ERC1: variants seen among roughly 807,000 people sequenced by gnomAD.
The protein encoded by ERC1 is ELKS/RAB6-interacting/CAST family member 1.
ERC1 carries 56 observed loss-of-function variants against 132.0 expected under a neutral mutation model. The observed-to-expected ratio is 0.42, with a 90% CI of 0.34 to 0.53. The LOEUF is 0.53. Among genes scored for constraint, ERC1 ranks in the 20% least tolerant of loss-of-function variants. ERC1 has a pLI of 0.03. For synonymous variants in ERC1, 478 were observed against 476.1 expected, an observed-to-expected ratio of 1.00 and a Z score of -0.05; for missense variants, 1,202 against 1,349.9, an observed-to-expected ratio of 0.89 and a Z score of 1.72.
rs534749129 is a variant in ERC1, at chr12:1,237,284, A to C, written c.2487+380A>C. ...GTTTGTGTCTTTCTTCCTTTTTTCT[A>C]TTCTTCCTTTCTCTTTTCCTTCTAC... On this transcript the variant is annotated intron_variant, in intron 13 of 18. Transcript: ENST00000360905. Among the ~76,000 whole-genome samples, 230 of 151,854 alleles carry C rather than the reference A, an allele frequency of 1.5e-3. 2 individuals carry two copies. The highest frequency in any genetic ancestry group is 5.2e-3 in the African/African-American group (214 of 41,436).
intron 13 of ERC1, among the ~76,000 whole-genome samples, chr12:1,239,499 G>T (rs1366061056): frequency 6.6e-6 from 1 of 152,154 alleles, no homozygotes; most frequent in Non-Finnish European, 1.5e-5. Flanking sequence ...TGAGATGAAG[G>T]ATCACTTGAG....
At chr12:1,138,847 T>G (rs895351067) in intron 7 of ERC1, among the ~76,000 whole-genome samples, 2 of 152,112 alleles carry the variant, frequency 1.3e-5, no homozygotes, top group African/African-American at 4.8e-5. Context: ...TAGGGTGGTG[T>G]TAGAGAATTA....
At chr12:992,981 A>G (rs1405623587) in intron 1 of ERC1, among the ~76,000 whole-genome samples, 2 of 152,240 alleles carry the variant, frequency 1.3e-5, no homozygotes, top group Non-Finnish European at 2.9e-5. Context: ...AGAGAAATAT[A>G]CAGATAAGAA....
chr12:1,473,719 C>G (rs559632309), intron 18 of ERC1, among the ~76,000 whole-genome samples: 1 of 151,696 alleles, frequency 6.6e-6, no homozygotes, highest in East Asian at 1.9e-4. Flanking sequence ...CCCACTTGCA[C>G]AGTCTCTGCA....
intron 8 of ERC1, among the ~76,000 whole-genome samples, chr12:1,174,959 C>A (rs559281079): frequency 6.6e-6 from 1 of 152,156 alleles, no homozygotes; most frequent in African/African-American, 2.4e-5. Context: ...CACAGTAAAA[C>A]GAGTCACACA....
intron 3 of ERC1, among the ~76,000 whole-genome samples, chr12:1,094,270 C>T (rs12814593): frequency 0.19 from 28,683 of 151,098 alleles, 3,454 homozygotes; most frequent in Non-Finnish European, 0.25. Flanking sequence ...CCTCCCGGCT[C>T]GGCCTCCCAA....
intron 14 of ERC1, among the ~76,000 whole-genome samples, chr12:1,274,779 C>A (rs1220460307): frequency 2.0e-5 from 3 of 152,138 alleles, no homozygotes; most frequent in African/African-American, 4.8e-5. Context: ...GCATGAGCCA[C>A]CGTGCCTAGC....
intron 8 of ERC1, among the ~76,000 whole-genome samples, chr12:1,142,975 T>C (rs911943122): frequency 2.0e-5 from 3 of 152,212 alleles, no homozygotes; most frequent in Non-Finnish European, 2.9e-5. Context: ...CTCGGCTCAG[T>C]GCAACCTCTG....
At chr12:1,398,027 A>G (rs1487892134) in intron 16 of ERC1, among the ~76,000 whole-genome samples, 9 of 152,216 alleles carry the variant, frequency 5.9e-5, no homozygotes, top group Non-Finnish European at 5.9e-5. Flanking sequence ...ACTCTCTCCC[A>G]GGCTGGAGCG....
intron 14 of ERC1, among the ~76,000 whole-genome samples, chr12:1,272,985 T>G (rs1275799413): frequency 1.3e-5 from 2 of 151,254 alleles, no homozygotes; most frequent in African/African-American, 4.9e-5. Context: ...TTGAGTAGCT[T>G]TAGTAAACTG....
intron 11 of ERC1, among the ~76,000 whole-genome samples, chr12:1,188,878 G>A (rs1447261713): frequency 6.6e-6 from 1 of 152,072 alleles, no homozygotes; most frequent in Admixed American, 6.5e-5. Flanking sequence ...CTAAGCTTTT[G>A]TCTTCTCATT....
chr12:1,122,237 CTG>C (rs1405252702), intron 7 of ERC1, among the ~76,000 whole-genome samples: 17 of 53,490 alleles, frequency 3.2e-4, no homozygotes, highest in African/African-American at 2.0e-3. Flanking sequence ...CTATCTCTAT[CTG>C]TGTCTCTATC....
chr12:1,159,338 C>T (rs975829600), intron 8 of ERC1, among the ~76,000 whole-genome samples: 7 of 152,166 alleles, frequency 4.6e-5, no homozygotes, highest in African/African-American at 1.7e-4. Flanking sequence ...CTAGATCCCT[C>T]GAATGCACAC....
At chr12:1,479,323 A>G (rs1466025930) in intron 18 of ERC1, among the ~76,000 whole-genome samples, 5 of 152,082 alleles carry the variant, frequency 3.3e-5, no homozygotes. Flanking sequence ...CACACCTGCC[A>G]GTTTTGATAT....
intron 13 of ERC1, among the ~76,000 whole-genome samples, chr12:1,261,939 C>G (rs1372584334): frequency 6.6e-6 from 1 of 152,056 alleles, no homozygotes; most frequent in African/African-American, 2.4e-5. Context: ...GCTGTTCTTC[C>G]AAAGTGGGGA....
intron 10 of ERC1, 138 bp downstream of exon 10, chr12:1,182,203 A>G: frequency 1.4e-6 from 1 of 725,362 alleles, no homozygotes; most frequent in Non-Finnish European, 2.2e-6. Flanking sequence ...TTTGTTGAAT[A>G]CCTTAAGGAA....
chr12:1,142,185 G>A (rs376366104), intron 8 of ERC1, among the ~76,000 whole-genome samples: 7 of 152,236 alleles, frequency 4.6e-5, no homozygotes, highest in African/African-American at 1.7e-4. Flanking sequence ...GAGACCAGTA[G>A]CATCCAGACC....
intron 1 of ERC1, among the ~76,000 whole-genome samples, chr12:1,013,608 A>G (rs1965039493): frequency 6.6e-6 from 1 of 152,122 alleles, no homozygotes; most frequent in South Asian, 2.1e-4. Flanking sequence ...GGAGAATCAG[A>G]TTAAGGTTAT....
intron 8 of ERC1, among the ~76,000 whole-genome samples, chr12:1,168,226 TC>T (rs753271440): frequency 3.3e-5 from 5 of 152,078 alleles, no homozygotes; most frequent in Non-Finnish European, 5.9e-5. Context: ...GCTCAGGTGA[TC>T]CTCCTACCTC....
Sources: allele counts gnomAD v4.1 joint callset (sites outside exome capture counted in the v4.1 genomes callset), GRCh38; gene constraint gnomAD v4.1.1; transcripts MANE v1.5; gene names NCBI Gene and HGNC (gene_info 2026-07-23, HGNC 2026-07-21).